The following OXR1 variants were observed in gnomAD, a reference collection of about 807,000 sequenced individuals.
The protein encoded by OXR1 is oxidation resistance 1, also known as oxidation resistance protein 1.
A neutral mutation model predicts 104.6 loss-of-function variants in OXR1; 41 were observed. That is an observed-to-expected ratio of 0.39 (90% CI 0.31 to 0.51). The LOEUF (loss-of-function observed/expected upper bound fraction) is 0.51. Ranked by LOEUF, OXR1 falls within the 20% of genes least tolerant of loss-of-function variation. The pLI is 0.77. For synonymous variants in OXR1, 348 were observed against 348.4 expected, an observed-to-expected ratio of 1.00 and a Z score of 0.01; for missense variants, 955 against 1,031.9, an observed-to-expected ratio of 0.93 and a Z score of 1.02.
chr8:106,374,769 C>T (rs769512916), intron 2 of OXR1, among the ~76,000 whole-genome samples: 4 of 152,128 alleles, frequency 2.6e-5, no homozygotes, highest in Non-Finnish European at 5.9e-5. Context: ...TATAAACAGC[C>T]AGATTCACCA....
intron 2 of OXR1, among the ~76,000 whole-genome samples, chr8:106,426,168 T>C (rs1819110388): frequency 6.6e-6 from 1 of 152,030 alleles, no homozygotes; most frequent in Non-Finnish European, 1.5e-5. Context: ...TAATAATATT[T>C]CCCCCTCTGA....
intron 3 of OXR1, among the ~76,000 whole-genome samples, chr8:106,555,853 T>C (rs1384026712): frequency 6.6e-6 from 1 of 150,380 alleles, no homozygotes; most frequent in Non-Finnish European, 1.5e-5. Context: ...TGTGTGTATA[T>C]GTATATGTGT....
chr8:106,354,726 T>A (rs529480462), intron 1 of OXR1, among the ~76,000 whole-genome samples: 1 of 152,300 alleles, frequency 6.6e-6, no homozygotes, highest in South Asian at 2.1e-4. Context: ...CTTAAACTGA[T>A]ATTCACAGAA....
At chr8:106,574,013 A>G (rs552607667) in intron 3 of OXR1, among the ~76,000 whole-genome samples, 129 of 152,310 alleles carry the variant, frequency 8.5e-4, no homozygotes, top group African/African-American at 3.1e-3. Context: ...GCAAACTGCT[A>G]TATTAATTGG....
At chr8:106,615,155 C>T (rs548715451) in intron 3 of OXR1, among the ~76,000 whole-genome samples, 22 of 151,986 alleles carry the variant, frequency 1.4e-4, no homozygotes, top group Non-Finnish European at 3.1e-4. Flanking sequence ...ATAGGCCAGG[C>T]GCGGTGGCTC....
intron 1 of OXR1, among the ~76,000 whole-genome samples, chr8:106,348,750 A>G (rs561209159): frequency 6.6e-6 from 1 of 152,252 alleles, no homozygotes; most frequent in African/African-American, 2.4e-5. Context: ...AATTCTGTTT[A>G]ATTTTGGGCT....
intron 2 of OXR1, among the ~76,000 whole-genome samples, chr8:106,495,390 G>A (rs898699724): frequency 2.0e-5 from 3 of 152,158 alleles, no homozygotes; most frequent in African/African-American, 7.2e-5. Flanking sequence ...AAAAGGAGAA[G>A]AGGGTATTCC....
chr8:106,697,389 C>G (rs1830149035), intron 7 of OXR1: 2 of 1,314,916 alleles, frequency 1.5e-6, no homozygotes, highest in Non-Finnish European at 2.1e-6. Flanking sequence ...ATATTAACCA[C>G]TCGTGGGAGG....
chr8:106,644,717 G>A (rs963097223), intron 3 of OXR1, among the ~76,000 whole-genome samples: 12 of 152,134 alleles, frequency 7.9e-5, no homozygotes, highest in African/African-American at 2.4e-4. Flanking sequence ...ATCACTGCTC[G>A]GTGGTTGCCA....
intron 3 of OXR1, among the ~76,000 whole-genome samples, chr8:106,528,493 A>G (rs192812226): frequency 5.9e-5 from 9 of 152,330 alleles, no homozygotes; most frequent in African/African-American, 2.2e-4. Context: ...AAGAGAGCCT[A>G]TGGAATTAGG....
At chr8:106,645,937 T>A (rs1219291615) in intron 3 of OXR1, among the ~76,000 whole-genome samples, 6 of 152,098 alleles carry the variant, frequency 3.9e-5, no homozygotes, top group Non-Finnish European at 8.8e-5. Context: ...CTTCATTTCA[T>A]CTTGTATTGA....
chr8:106,433,012 G>T (rs1354555637), intron 2 of OXR1, among the ~76,000 whole-genome samples: 1 of 152,180 alleles, frequency 6.6e-6, no homozygotes, highest in Non-Finnish European at 1.5e-5. Context: ...CTGCTGCCTA[G>T]ACAGAACTGA....
intron 3 of OXR1, among the ~76,000 whole-genome samples, chr8:106,564,419 A>AC (rs1235182691): frequency 7.9e-5 from 12 of 151,124 alleles, no homozygotes; most frequent in Admixed American, 1.3e-4. Context: ...ATACACACAC[A>AC]CACCCCCGCC....
intron 2 of OXR1, among the ~76,000 whole-genome samples, chr8:106,511,015 G>A (rs1812488262): frequency 1.3e-5 from 2 of 152,242 alleles, no homozygotes; most frequent in Admixed American, 6.5e-5. Flanking sequence ...TCCTGTTTAA[G>A]GGCACAAAGA....
chr8:106,308,658 G>T (rs1813561922), intron 1 of OXR1, among the ~76,000 whole-genome samples: 1 of 151,986 alleles, frequency 6.6e-6, no homozygotes, highest in Admixed American at 6.6e-5. Flanking sequence ...TAAACATCAG[G>T]AAGCTTTTAC....
intron 2 of OXR1, among the ~76,000 whole-genome samples, chr8:106,365,244 T>C (rs536689300): frequency 6.6e-6 from 1 of 152,250 alleles, no homozygotes; most frequent in Admixed American, 6.5e-5. Flanking sequence ...TGAGTATTTC[T>C]CAGTGGTAAG....
chr8:106,278,702 A>G (rs2130486690), intron 1 of OXR1, among the ~76,000 whole-genome samples: 1 of 152,322 alleles, frequency 6.6e-6, no homozygotes, highest in South Asian at 2.1e-4. Context: ...GTCATACATC[A>G]CATATTAAGC....
chr8:106,445,758 C>T (rs749845707), intron 2 of OXR1, among the ~76,000 whole-genome samples: 8 of 152,172 alleles, frequency 5.3e-5, no homozygotes, highest in African/African-American at 9.7e-5. Flanking sequence ...ATTCGTACTG[C>T]GAGGCTTTAG....
At chr8:106,525,114 G>A (rs148388593) in intron 3 of OXR1, among the ~76,000 whole-genome samples, 79 of 152,362 alleles carry the variant, frequency 5.2e-4, no homozygotes, top group African/African-American at 1.7e-3. Flanking sequence ...ATGGAGGGCA[G>A]AGAGGATAGT....
Sources: allele counts gnomAD v4.1 joint callset (sites outside exome capture counted in the v4.1 genomes callset), GRCh38; gene constraint gnomAD v4.1.1; transcripts MANE v1.5; gene names NCBI Gene and HGNC (gene_info 2026-07-23, HGNC 2026-07-21).